The following LIMA1 variants were observed in gnomAD, a reference collection of about 807,000 sequenced individuals.
LIMA1 encodes LIM domain and actin-binding protein 1.
Under a neutral mutation model 62.6 loss-of-function variants are expected in LIMA1, and 52 were observed. The observed-to-expected ratio is 0.83, with a 90% CI of 0.67 to 1.05. LIMA1 has a LOEUF of 1.05. Among genes scored for constraint, LIMA1 ranks in the 50% least tolerant of loss-of-function variants. The probability of loss-of-function intolerance (pLI) is 0.00; values close to 1 mark genes in which losing one functional copy is unlikely to be tolerated. For missense variants in LIMA1, 780 were observed against 902.2 expected, an observed-to-expected ratio of 0.86 and a Z score of 1.74; for synonymous variants, 302 against 317.8, an observed-to-expected ratio of 0.95 and a Z score of 0.53.
At chr12:50,276,777 T>A (rs11169349) in intron 1 of LIMA1, among the ~76,000 whole-genome samples, 1 of 151,466 alleles carries the variant, frequency 6.6e-6, no homozygotes, top group Non-Finnish European at 1.5e-5. Flanking sequence ...GGCTGAGGCA[T>A]GAGAATCACT....
At chr12:50,204,396 G>T in intron 6 of LIMA1, 156 bp downstream of exon 6, 1 of 820,422 alleles carries the variant, frequency 1.2e-6, no homozygotes, top group Non-Finnish European at 1.8e-6. Context: ...GGTAAGAACT[G>T]CAAATCCAGC....
intron 4 of LIMA1, among the ~76,000 whole-genome samples, chr12:50,218,764 G>A (rs1206028030): frequency 6.6e-6 from 1 of 151,852 alleles, no homozygotes; most frequent in African/African-American, 2.4e-5. Context: ...AAAATTAGCT[G>A]AGAGTGGTGG....
chr12:50,228,815 G>C (rs1394409942), intron 3 of LIMA1, among the ~76,000 whole-genome samples: 1 of 152,184 alleles, frequency 6.6e-6, no homozygotes, highest in East Asian at 1.9e-4. Context: ...TTTTACTGTA[G>C]TCTTCCCCAT....
At chr12:50,262,962 T>C (rs1446426534) in intron 1 of LIMA1, among the ~76,000 whole-genome samples, 1 of 152,248 alleles carries the variant, frequency 6.6e-6, no homozygotes, top group Non-Finnish European at 1.5e-5. Flanking sequence ...GGCTGCTCTT[T>C]AAAAGTACAC....
chr12:50,228,716 T>C (rs972297538), intron 3 of LIMA1, among the ~76,000 whole-genome samples: 2 of 152,232 alleles, frequency 1.3e-5, no homozygotes, highest in African/African-American at 4.8e-5. Context: ...AAGTTCCTAC[T>C]GACATTTCCA....
chr12:50,187,031 A>C (rs1053775788), intron 9 of LIMA1: 4 of 152,266 alleles, frequency 2.6e-5, no homozygotes, highest in Non-Finnish European at 4.4e-5. Context: ...AAATGTGTAG[A>C]TAATATCTTC....
chr12:50,259,018 T>C (rs1036338310), intron 1 of LIMA1, among the ~76,000 whole-genome samples: 14 of 152,224 alleles, frequency 9.2e-5, no homozygotes, highest in African/African-American at 2.4e-4. Context: ...AGGTTCATTC[T>C]AGTATTCCCT....
rs1383547189 is a variant in LIMA1 at position 50,261,042 on chromosome 12, A to ATATTTTTTTTTTTTT, written c.-23-12269_-23-12268insAAAAAAAAAAAAATA. On this transcript the variant is annotated intron_variant, in intron 1 of 10. Transcript: ENST00000341247. ...CTTTTGCTTTTCTGCCATCTAGTAT[A>ATATTTTTTTTTTTTT]TTTTTTTTTTTTTTTTTTTTTTTTT... Among the ~76,000 whole-genome samples, 16 of 54,296 alleles carry ATATTTTTTTTTTTTT rather than the reference A, an allele frequency of 2.9e-4. 2 individuals carry two copies. Among genetic ancestry groups the ATATTTTTTTTTTTTT allele is most frequent in the African/African-American group, 1.1e-3 (15 of 13,954 alleles). The allele number at this position is 54,296 out of a possible 152,430, so 35.6% of individuals were successfully genotyped here. A position where few individuals can be genotyped will look rare whatever the true frequency, so the allele number is the denominator to read the frequency against.
chr12:50,264,103 G>C (rs886384534), intron 1 of LIMA1, among the ~76,000 whole-genome samples: 2 of 151,836 alleles, frequency 1.3e-5, no homozygotes, highest in East Asian at 3.9e-4. Flanking sequence ...TAAGTGACAG[G>C]AGCCAGCCAC....
chr12:50,264,601 C>A (rs544318356), intron 1 of LIMA1, among the ~76,000 whole-genome samples: 2 of 152,230 alleles, frequency 1.3e-5, no homozygotes, highest in South Asian at 2.1e-4. Flanking sequence ...ACTTTACTTT[C>A]CTTCTATGTA....
chr12:50,201,342 G>T, intron 6 of LIMA1: 5 of 987,008 alleles, frequency 5.1e-6, no homozygotes, highest in Non-Finnish European at 6.0e-6. Context: ...GAGAGACAGG[G>T]ATGATGTATA....
At position 50,177,423 on chromosome 12, in the gene LIMA1, C is replaced by G. The variant is rs1225652492; in HGVS notation, c.1921G>C (p.Ala641Pro). The G allele has an allele frequency of 3.1e-6, 5 of 1,614,168 alleles. No individual in the cohort carries two copies. The highest frequency in any genetic ancestry group is 2.2e-5 in the East Asian group (1 of 44,892). ...AERKQVENAK[A>P]SKKNGNVGKT... ...CCCACATTCCCATTCTTCTTAGAAG[C>G]CTTGGCATTTTCCACTTGTTTCCTT... Residue 641 changes from alanine to proline, a missense_variant, in exon 11 of 11, where the codon GCT becomes CCT. Ala to Pro is a conservative substitution (Grantham distance 27). Coordinates refer to ENST00000341247, the MANE Select transcript of LIMA1 (RefSeq NM_016357.5).
At chr12:50,280,667 TTGAC>T (rs1163598936) in intron 1 of LIMA1, among the ~76,000 whole-genome samples, 5 of 152,160 alleles carry the variant, frequency 3.3e-5, no homozygotes, top group Non-Finnish European at 7.3e-5. Context: ...GCACAATAAT[TTGAC>T]TGAGTCTTGA....
chr12:50,272,043 C>T (rs1290750784), intron 1 of LIMA1, among the ~76,000 whole-genome samples: 1 of 152,122 alleles, frequency 6.6e-6, no homozygotes, highest in African/African-American at 2.4e-5. Context: ...CTTAAAGCAG[C>T]CCTTTGTCCT....
At chr12:50,261,378 C>T (rs1202960019) in intron 1 of LIMA1, among the ~76,000 whole-genome samples, 1 of 151,924 alleles carries the variant, frequency 6.6e-6, no homozygotes, top group African/African-American at 2.4e-5. Flanking sequence ...ATAAATGCAG[C>T]TTGAATAAAA....
chr12:50,178,966 A>ATT lies in LIMA1; in HGVS notation c.1275-899_1275-898dup, dbSNP rs1555203081. Among the ~76,000 whole-genome samples, 527 of 128,942 alleles carry ATT rather than the reference A, an allele frequency of 4.1e-3. 5 individuals carry two copies. Among genetic ancestry groups the ATT allele is most frequent in the African/African-American group, 0.013 (492 of 37,246 alleles). 84.6% of individuals were successfully genotyped at this position (128,942 alleles called of 152,430 possible). A position where few individuals can be genotyped will look rare whatever the true frequency, so the allele number is the denominator to read the frequency against. ...TATATAAATACATATATATATATAT[A>ATT]TTTTTTTTTTCTTTTTCTTTTCTTT... On this transcript the variant is annotated intron_variant, in intron 10 of 10. Transcript: ENST00000341247.
At chr12:50,232,728 C>T (rs899546544) in intron 2 of LIMA1, among the ~76,000 whole-genome samples, 5 of 152,164 alleles carry the variant, frequency 3.3e-5, no homozygotes, top group African/African-American at 1.2e-4. Context: ...TGGCTCATGC[C>T]TGTAATCCCA....
In LIMA1 at chr12:50,260,634, C is replaced by G. The variant is rs146066592; in HGVS notation, c.-23-11860G>C. Reference sequence around the variant, plus strand: ...TTTGCTTCTATCAAATAAAATAACACATAACATAGTATAACAAAATGTACA... The same window carrying G: ...TTTGCTTCTATCAAATAAAATAACAGATAACATAGTATAACAAAATGTACA... On this transcript the variant is annotated intron_variant, in intron 1 of 10. Transcript: ENST00000341247. Among the ~76,000 whole-genome samples, 470 of 152,194 alleles carry G rather than the reference C, an allele frequency of 3.1e-3. 1 individual carries two copies. The highest frequency in any genetic ancestry group is 5.7e-3 in the Non-Finnish European group (386 of 68,012).
intron 4 of LIMA1, among the ~76,000 whole-genome samples, chr12:50,221,600 A>G (rs1941441548): frequency 6.6e-6 from 1 of 152,218 alleles, no homozygotes; most frequent in African/African-American, 2.4e-5. Context: ...AGCAGAGACA[A>G]GTAAGCCTCA....
Sources: allele counts gnomAD v4.1 joint callset (sites outside exome capture counted in the v4.1 genomes callset), GRCh38; gene constraint gnomAD v4.1.1; transcripts MANE v1.5; gene names NCBI Gene and HGNC (gene_info 2026-07-23, HGNC 2026-07-21).